The following ZNF618 variants were observed in gnomAD, a reference collection of about 807,000 sequenced individuals.
ZNF618 encodes the protein zinc finger protein 618.
In ZNF618, 34 loss-of-function variants were observed where a neutral mutation model predicts 103.0. The observed-to-expected ratio is 0.33, with a 90% CI of 0.25 to 0.44. The LOEUF (loss-of-function observed/expected upper bound fraction) is 0.44, where lower values mean the gene tolerates loss of function less well. Among genes scored for constraint, ZNF618 ranks in the 20% least tolerant of loss-of-function variants. The pLI is 1.00. For missense variants in ZNF618, 1,059 were observed against 1,295.4 expected, an observed-to-expected ratio of 0.82 and a Z score of 2.80; for synonymous variants, 551 against 542.2, an observed-to-expected ratio of 1.02 and a Z score of -0.23.
At position 114,011,612 on chromosome 9, in the gene ZNF618, C is replaced by T. The variant is rs372349481; in HGVS notation, c.754+3058C>T. Among the ~76,000 whole-genome samples the T allele has an allele frequency of 1.6e-4, 24 of 152,288 alleles. No individual in the cohort carries two copies. In the South Asian group the frequency reaches 3.7e-3, roughly 24 times the overall value. ...GTATAAGCAGGCCAATGCCACAGAA[C>T]GCGAAAAACGATTAGCCAGTAGAGG... is the stretch of plus-strand genomic sequence containing the variant. On this transcript the variant is annotated intron_variant, in intron 9 of 14. Transcript: ENST00000374126.
intron 1 of ZNF618, among the ~76,000 whole-genome samples, chr9:113,927,122 T>C (rs1397715020): frequency 1.3e-5 from 2 of 152,240 alleles, no homozygotes; most frequent in Non-Finnish European, 2.9e-5. Context: ...TAACATGCCT[T>C]ATAATTTTTT....
chr9:113,957,668 C>G (rs1436531025), intron 1 of ZNF618, among the ~76,000 whole-genome samples: 1 of 152,200 alleles, frequency 6.6e-6, no homozygotes, highest in Non-Finnish European at 1.5e-5. Context: ...AGGACAGCCT[C>G]TTCCCCTACT....
intron 1 of ZNF618, among the ~76,000 whole-genome samples, chr9:113,927,733 T>A (rs1450608925): frequency 1.3e-5 from 2 of 152,158 alleles, no homozygotes; most frequent in African/African-American, 4.8e-5. Context: ...CCCTAGTAAA[T>A]AGTTTCCCTT....
intron 2 of ZNF618, among the ~76,000 whole-genome samples, chr9:113,969,920 A>G (rs1279702082): frequency 6.6e-6 from 1 of 152,106 alleles, no homozygotes; most frequent in African/African-American, 2.4e-5. Context: ...CATAAAATCT[A>G]GAATCGATCC....
chr9:114,024,531 T>G lies in ZNF618; in HGVS notation c.845-4202T>G, dbSNP rs565012172. ...ATCAACTCAATACTTCAAAAGCTGG[T>G]TTTTAAGCTGTGTTAGGACAGGTCT... On this transcript the variant is annotated intron_variant, in intron 10 of 14. Coordinates refer to ENST00000374126, the MANE Select transcript of ZNF618 (RefSeq NM_001318042.2). Among the ~76,000 whole-genome samples, 4 of 152,196 alleles carry G rather than the reference T, an allele frequency of 2.6e-5. No individual in the cohort carries two copies. The South Asian group carries it at 6.2e-4, about 24-fold the overall frequency.
rs1833493968 is a variant in ZNF618, at chr9:113,930,593, A to G, written c.34-38524A>G. ...CAGCATGTGGCCTGGTGCCCCGTGA[A>G]GATGAAGTGCTCATTAATGTTTGTT... On this transcript the variant is annotated intron_variant, in intron 1 of 14. Transcript: ENST00000374126. Among the ~76,000 whole-genome samples, 3 of 152,228 alleles carry G rather than the reference A, an allele frequency of 2.0e-5. No homozygotes were observed. In the South Asian group the frequency reaches 6.2e-4, roughly 32 times the overall value.
In ZNF618 at chr9:113,982,482, C is replaced by G. The variant is rs76538822; in HGVS notation, c.78-5839C>G. ...TCCCTTTGTCTTATGAGGACACTTA[C>G]TGCATTTAGGGGCTACTCAGATAAT... On this transcript the variant is annotated intron_variant, in intron 2 of 14. Coordinates refer to ENST00000374126, the MANE Select transcript of ZNF618 (RefSeq NM_001318042.2). Among the ~76,000 whole-genome samples, 399 of 152,284 alleles carry G rather than the reference C, an allele frequency of 2.6e-3. 11 individuals are homozygous for G. The East Asian group carries it at 0.062, about 24-fold the overall frequency.
intron 2 of ZNF618, among the ~76,000 whole-genome samples, chr9:113,974,594 A>AT (rs908999501): frequency 1.7e-4 from 25 of 150,720 alleles, no homozygotes; most frequent in Non-Finnish European, 2.2e-4. Context: ...CTTAAGGGCT[A>AT]TTTTTTTTTT....
At chr9:113,976,013 G>A (rs937249102) in intron 2 of ZNF618, among the ~76,000 whole-genome samples, 4 of 152,142 alleles carry the variant, frequency 2.6e-5, no homozygotes, top group Non-Finnish European at 5.9e-5. Context: ...CTTTTTTGGT[G>A]GGCAGAGTTC....
intron 4 of ZNF618, among the ~76,000 whole-genome samples, chr9:114,001,297 C>T (rs1180182128): frequency 4.0e-5 from 6 of 151,818 alleles, no homozygotes; most frequent in East Asian, 2.0e-4. Flanking sequence ...CAGGCATTTA[C>T]ACCATGTCGG....
chr9:114,008,297 T>C (rs1841932557), intron 7 of ZNF618, 47 bp from the exon 8 acceptor site: 1 of 1,611,218 alleles, frequency 6.2e-7, no homozygotes, highest in Non-Finnish European at 8.5e-7. Context: ...ACAGGGCTCC[T>C]GTTTGTTTCT....
At chr9:113,942,837 G>A (rs1834671814) in intron 1 of ZNF618, among the ~76,000 whole-genome samples, 1 of 152,186 alleles carries the variant, frequency 6.6e-6, no homozygotes, top group Admixed American at 6.5e-5. Context: ...TTCAAAAAGG[G>A]CAATCAAGAA....
intron 6 of ZNF618, among the ~76,000 whole-genome samples, 181 bp from the exon 7 acceptor site, chr9:114,007,169 C>G (rs992404523): frequency 2.6e-5 from 4 of 152,208 alleles, no homozygotes; most frequent in Non-Finnish European, 5.9e-5. Context: ...CGGCTGTGCC[C>G]TTGGGGCAAA....
intron 10 of ZNF618, among the ~76,000 whole-genome samples, chr9:114,026,685 C>A (rs950300457): frequency 6.6e-6 from 1 of 152,226 alleles, no homozygotes; most frequent in Non-Finnish European, 1.5e-5. Context: ...CTTATTATGT[C>A]TGTGGCCAGA....
intron 6 of ZNF618, among the ~76,000 whole-genome samples, chr9:114,003,260 A>T (rs1841423815): frequency 6.6e-6 from 1 of 152,234 alleles, no homozygotes. Context: ...CCATCCCTCC[A>T]GTTCTAGGCC....
chr9:114,009,248 G>A (rs1246633522), intron 9 of ZNF618, among the ~76,000 whole-genome samples: 2 of 152,128 alleles, frequency 1.3e-5, no homozygotes, highest in African/African-American at 4.8e-5. Flanking sequence ...TGGGAGGCCT[G>A]AGGGAATGCT....
chr9:113,914,393 G>C (rs71503580), intron 1 of ZNF618, among the ~76,000 whole-genome samples: 7 of 152,226 alleles, frequency 4.6e-5, no homozygotes, highest in Non-Finnish European at 7.4e-5. Context: ...CTCTCCTCAC[G>C]TGCGCTTCTC....
At chr9:114,046,683 A>G (rs915523473) in intron 13 of ZNF618, among the ~76,000 whole-genome samples, 1 of 152,150 alleles carries the variant, frequency 6.6e-6, no homozygotes, top group African/African-American at 2.4e-5. Context: ...GTTCTGGTAG[A>G]TGCTCTTTAT....
chr9:114,007,170 T>C (rs1841826580), intron 6 of ZNF618, among the ~76,000 whole-genome samples, 180 bp from the exon 7 acceptor site: 1 of 152,122 alleles, frequency 6.6e-6, no homozygotes, highest in Admixed American at 6.5e-5. Flanking sequence ...GGCTGTGCCC[T>C]TGGGGCAAAT....
Sources: allele counts gnomAD v4.1 joint callset (sites outside exome capture counted in the v4.1 genomes callset), GRCh38; gene constraint gnomAD v4.1.1; transcripts MANE v1.5; gene names NCBI Gene and HGNC (gene_info 2026-07-23, HGNC 2026-07-21).